Variants in PEAK1 observed in about 807,000 individuals in gnomAD.
The protein encoded by PEAK1 is inactive tyrosine-protein kinase PEAK1.
Under a neutral mutation model 124.7 loss-of-function variants are expected in PEAK1, and 54 were observed. That is an observed-to-expected ratio of 0.43 (90% confidence interval 0.35 to 0.54). The LOEUF is 0.54. Among genes scored for constraint, PEAK1 ranks in the 20% least tolerant of loss-of-function variants. The probability of loss-of-function intolerance (pLI) is 0.01; values close to 1 mark genes in which losing one functional copy is unlikely to be tolerated. For synonymous variants in PEAK1, 719 were observed against 760.0 expected (o/e 0.95, Z 0.89); for missense variants, 2,046 against 2,134.5 (o/e 0.96, Z 0.82).
chr15:77,191,324 T>C (rs1173399788), intron 6 of PEAK1, among the ~76,000 whole-genome samples: 1 of 152,154 alleles, frequency 6.6e-6, no homozygotes, highest in East Asian at 1.9e-4. Context: ...AAATATTAGT[T>C]ATTTTCTCCT....
intron 7 of PEAK1, among the ~76,000 whole-genome samples, chr15:77,172,678 T>C (rs942544080): frequency 1.3e-5 from 2 of 152,230 alleles, no homozygotes; most frequent in African/African-American, 4.8e-5. Context: ...AGCAGAAGTA[T>C]TCTACGTGTA....
At chr15:77,146,499 G>T (rs986202826) in intron 8 of PEAK1, among the ~76,000 whole-genome samples, 4 of 152,212 alleles carry the variant, frequency 2.6e-5, no homozygotes, top group South Asian at 4.1e-4. Context: ...TTATTTTTTT[G>T]GGGGTAATTT....
chr15:77,226,063 A>ATATATATATATATATG (rs1200116401), intron 6 of PEAK1, among the ~76,000 whole-genome samples: 28 of 123,420 alleles, frequency 2.3e-4, no homozygotes, highest in Middle Eastern at 4.2e-3. Flanking sequence ...ATATATATAT[A>ATATATATATATATATG]TATATATATA....
Position 77,133,920 on chromosome 15 carries a change from C to T in PEAK1, c.3332-170G>A, listed in dbSNP as rs551288193. On this transcript the variant is annotated intron_variant, in intron 8 of 9. Coordinates refer to ENST00000682557, the MANE Select transcript of PEAK1 (RefSeq NM_001385026.1). The surrounding 1 kb of genome is among the most constrained non-coding windows in gnomAD (Gnocchi z 4.2). ...AACAACCAAAGAACAAATACCTAAA[C>T]ATTGAAGTATCCAAGCCTTGGTGGG... 6.6e-6 allele frequency among the ~76,000 whole-genome samples: 1 copy of T among 152,284 alleles called. No individual in the cohort carries two copies. The highest frequency in any genetic ancestry group is 1.9e-4 in the East Asian group (1 of 5,190).
Position 77,180,186 on chromosome 15 carries a change from T to C in PEAK1, c.1741A>G (p.Lys581Glu), listed in dbSNP as rs761317716. The C allele has an allele frequency of 6.2e-7, 1 of 1,614,164 alleles. No individual in the cohort carries two copies. Among genetic ancestry groups the C allele is most frequent in the Non-Finnish European group, 8.5e-7 (1 of 1,179,998 alleles). Reference sequence around the variant, plus strand: ...TTAGGTGACTTAACAGGGATGGTTTTGGAGGAAATGTTTGTAGCTGTGGGT... The same window carrying C: ...TTAGGTGACTTAACAGGGATGGTTTCGGAGGAAATGTTTGTAGCTGTGGGT... ...TSPTATNISS[K>E]TIPVKSPNLS... The change falls in exon 7 of 10, where the codon AAA (lysine) becomes GAA (glutamate). Residue 581 changes from lysine (K) to glutamate (E), a missense_variant. Transcript: ENST00000682557.
At chr15:77,347,147 A>G (rs1223052632) in intron 2 of PEAK1, 21 of 875,094 alleles carry the variant, frequency 2.4e-5, no homozygotes, top group Non-Finnish European at 2.9e-5. Context: ...AAGACAAAAG[A>G]AGGCCAGTGT....
intron 1 of PEAK1, chr15:77,402,384 C>T: frequency 1.0e-6 from 1 of 985,108 alleles, no homozygotes; most frequent in Non-Finnish European, 1.2e-6. Flanking sequence ...TAAATGAGAC[C>T]AATTATTTCA....
At chr15:77,292,693 C>T (rs993452479) in intron 2 of PEAK1, among the ~76,000 whole-genome samples, 5 of 151,954 alleles carry the variant, frequency 3.3e-5, no homozygotes, top group East Asian at 1.9e-4. Flanking sequence ...ACAAAAGCAC[C>T]GTAAGTACTG....
intron 2 of PEAK1, among the ~76,000 whole-genome samples, chr15:77,323,130 T>C (rs2065341127): frequency 6.6e-6 from 1 of 152,116 alleles, no homozygotes; most frequent in South Asian, 2.1e-4. Flanking sequence ...ATGGGACGTA[T>C]CTCAAAATAA....
intron 6 of PEAK1, among the ~76,000 whole-genome samples, chr15:77,250,179 ATG>A (rs1490309953): frequency 8.8e-6 from 1 of 113,654 alleles, no homozygotes; most frequent in East Asian, 2.1e-4. Context: ...ATATATGTAT[ATG>A]TATATATATA....
intron 2 of PEAK1, among the ~76,000 whole-genome samples, chr15:77,310,960 A>G (rs545224952): frequency 7.5e-4 from 115 of 152,336 alleles, no homozygotes; most frequent in Non-Finnish European, 1.5e-3. Context: ...AGGACATTTT[A>G]GGTATTAGTT....
At chr15:77,264,482 C>A (rs1330558948) in intron 5 of PEAK1, among the ~76,000 whole-genome samples, 2 of 152,166 alleles carry the variant, frequency 1.3e-5, no homozygotes. Context: ...AGAGCCAAAT[C>A]ATGAGTGAAC....
intron 2 of PEAK1, chr15:77,346,868 C>T: frequency 2.0e-6 from 1 of 510,892 alleles, no homozygotes; most frequent in Non-Finnish European, 2.5e-6. Context: ...CCTTTGTCCC[C>T]ATCAGAGGAG....
At chr15:77,257,106 T>C (rs1268253166) in intron 5 of PEAK1, among the ~76,000 whole-genome samples, 2 of 152,180 alleles carry the variant, frequency 1.3e-5, no homozygotes, top group East Asian at 3.8e-4. Context: ...CGTGTCACAT[T>C]TTCTTAATCC....
intron 1 of PEAK1, among the ~76,000 whole-genome samples, chr15:77,375,049 C>A (rs551116626): frequency 3.3e-5 from 5 of 152,248 alleles, no homozygotes; most frequent in Admixed American, 6.5e-5. Flanking sequence ...TCCCACTAAT[C>A]TTAAATTAAA....
chr15:77,192,834 T>C (rs2057906675), intron 6 of PEAK1, among the ~76,000 whole-genome samples: 1 of 151,514 alleles, frequency 6.6e-6, no homozygotes, highest in Non-Finnish European at 1.5e-5. Context: ...TTACCTTTTT[T>C]TTTAAATGAA....
chr15:77,197,824 C>T (rs891807398), intron 6 of PEAK1, among the ~76,000 whole-genome samples: 10 of 151,924 alleles, frequency 6.6e-5, no homozygotes, highest in East Asian at 1.9e-4. Flanking sequence ...GTTTGAACTG[C>T]GCAGTTCAAC....
intron 2 of PEAK1, among the ~76,000 whole-genome samples, chr15:77,324,549 CTG>C (rs1030125982): frequency 5.3e-5 from 8 of 152,124 alleles, no homozygotes; most frequent in Non-Finnish European, 7.4e-5. Flanking sequence ...AAAGAAATAA[CTG>C]AGACTGAGTA....
chr15:77,124,812 C>T (rs143701250), intron 9 of PEAK1, among the ~76,000 whole-genome samples: 2 of 152,324 alleles, frequency 1.3e-5, no homozygotes, highest in East Asian at 3.9e-4. Flanking sequence ...CTAATCTCTC[C>T]GTAGCCTAAT....
Sources: allele counts gnomAD v4.1 joint callset (sites outside exome capture counted in the v4.1 genomes callset), GRCh38; gene constraint gnomAD v4.1.1; non-coding constraint Gnocchi (gnomAD v3.1); transcripts MANE v1.5; gene names NCBI Gene and HGNC (gene_info 2026-07-23, HGNC 2026-07-21).